FAP: variants seen among roughly 807,000 people sequenced by gnomAD.
FAP encodes prolyl endopeptidase FAP.
FAP carries 110 observed loss-of-function variants against 126.5 expected under a neutral mutation model. The ratio of observed to expected loss-of-function variants is 0.87; its 90% CI spans 0.74 to 1.02. The LOEUF (loss-of-function observed/expected upper bound fraction) is 1.02. FAP is among the 50% of genes least tolerant of loss of function. FAP has a pLI of 0.00. For missense variants in FAP, 919 were observed against 909.2 expected, an observed-to-expected ratio of 1.01 and a Z score of -0.14; for synonymous variants, 334 against 297.3, an observed-to-expected ratio of 1.12 and a Z score of -1.27.
chr2:162,241,899 C>A (rs983112863), intron 2 of FAP, among the ~76,000 whole-genome samples: 2 of 152,106 alleles, frequency 1.3e-5, no homozygotes, highest in African/African-American at 4.8e-5. Context: ...CTGTGAAAAT[C>A]TCATGATTAT....
chr2:162,222,438 A>G (rs950898000), intron 6 of FAP, among the ~76,000 whole-genome samples: 4 of 152,242 alleles, frequency 2.6e-5, no homozygotes, highest in African/African-American at 9.6e-5. Flanking sequence ...CTGTTTCTTA[A>G]TTTGACAGTT....
intron 23 of FAP, 107 bp downstream of exon 23, chr2:162,173,615 AT>A (rs1687388667): frequency 3.9e-6 from 3 of 772,432 alleles, no homozygotes; most frequent in South Asian, 1.6e-5. Flanking sequence ...AAAAGATGAT[AT>A]TTGCTTGGGG....
intron 17 of FAP, 25 bp downstream of exon 17, chr2:162,194,676 A>G (rs1688178360): frequency 6.2e-7 from 1 of 1,609,426 alleles, no homozygotes; most frequent in Admixed American, 1.7e-5. Flanking sequence ...TTGAGACAAG[A>G]TAGATAACAT....
chr2:162,224,641 A>T, intron 4 of FAP, 101 bp from the exon 5 acceptor site: 1 of 605,860 alleles, frequency 1.7e-6, no homozygotes, highest in Non-Finnish European at 2.8e-6. Flanking sequence ...ATACTCCTAC[A>T]TGCATAGACT....
chr2:162,177,035 G>A (rs960674024), intron 21 of FAP, among the ~76,000 whole-genome samples: 3 of 151,938 alleles, frequency 2.0e-5, no homozygotes, highest in Non-Finnish European at 4.4e-5. Flanking sequence ...TCCTATTGTA[G>A]AAATGAAGAG....
At chr2:162,221,583 C>T in intron 6 of FAP, 1 of 427,836 alleles carries the variant, frequency 2.3e-6, no homozygotes, top group East Asian at 7.1e-5. Flanking sequence ...CAAGCTAGTG[C>T]TCATGTTACC....
At chr2:162,198,357 T>C in intron 16 of FAP, 1 of 1,282,284 alleles carries the variant, frequency 7.8e-7, no homozygotes, top group African/African-American at 1.5e-5. Context: ...CAGCAACCAT[T>C]TTATCAGAGA....
chr2:162,206,855 C>T (rs1688717352), intron 12 of FAP, among the ~76,000 whole-genome samples: 2 of 152,154 alleles, frequency 1.3e-5, no homozygotes, highest in East Asian at 1.9e-4. Flanking sequence ...TCGCAGGAAA[C>T]CTATTTTCTA....
At chr2:162,200,957 G>A (rs761028269) in intron 14 of FAP, among the ~76,000 whole-genome samples, 13 of 152,108 alleles carry the variant, frequency 8.5e-5, no homozygotes, top group South Asian at 2.1e-4. Context: ...TCTGTACTAC[G>A]TTATTTAATT....
At position 162,196,513 on chromosome 2, in the gene FAP, C is replaced by T. The variant is rs115337889; in HGVS notation, c.1403-1765G>A. Among the ~76,000 whole-genome samples, 397 of 149,260 alleles carry T rather than the reference C, an allele frequency of 2.7e-3. 2 individuals are homozygous for T. Among genetic ancestry groups the T allele is most frequent in the African/African-American group, 9.5e-3 (387 of 40,766 alleles). On this transcript the variant is annotated intron_variant, in intron 16 of 25. Transcript: ENST00000188790. ...GTGTAGTTTCAATAATGGAAACTTG[C>T]ATATCTTTTTTTTTTTTTTTTTGCC...
At chr2:162,179,245 G>GTTTT (rs10708873) in intron 21 of FAP, among the ~76,000 whole-genome samples, 5 of 108,848 alleles carry the variant, frequency 4.6e-5, no homozygotes, top group Admixed American at 1.9e-4. Flanking sequence ...AACTTGACAG[G>GTTTT]TTTTTTTTTT....
At chr2:162,195,037 G>T (rs1353680288) in intron 16 of FAP, 2 of 403,820 alleles carry the variant, frequency 5.0e-6, no homozygotes, top group Non-Finnish European at 9.2e-6. Context: ...CACCCCAGAA[G>T]CTGCAGTGAC....
At chr2:162,229,696 T>C (rs1387881650) in intron 2 of FAP, among the ~76,000 whole-genome samples, 1 of 152,180 alleles carries the variant, frequency 6.6e-6, no homozygotes, top group Non-Finnish European at 1.5e-5. Context: ...AAAAAGATTC[T>C]AAGAATTAAT....
chr2:162,201,299 G>T (rs1576161147), intron 14 of FAP, among the ~76,000 whole-genome samples: 1 of 152,078 alleles, frequency 6.6e-6, no homozygotes, highest in African/African-American at 2.4e-5. Flanking sequence ...GAATTCTTAG[G>T]ACAATTAGGC....
At chr2:162,196,534 T>C (rs1020937264) in intron 16 of FAP, among the ~76,000 whole-genome samples, 2 of 151,638 alleles carry the variant, frequency 1.3e-5, no homozygotes, top group Non-Finnish European at 2.9e-5. Context: ...TTTTTTTTTT[T>C]TGCCTAAAAA....
At chr2:162,235,140 C>T (rs1297302418) in intron 2 of FAP, among the ~76,000 whole-genome samples, 1 of 151,870 alleles carries the variant, frequency 6.6e-6, no homozygotes, top group Non-Finnish European at 1.5e-5. Context: ...CCCCACTCCC[C>T]CAGTCCCCCG....
Position 162,188,242 on chromosome 2 carries a change from C to T in FAP, c.1741G>A (p.Gly581Ser). The change falls in exon 20 of 26, where the codon GGT becomes AGT. Residue 581 changes from glycine to serine, a missense_variant. Physicochemically the swap from Gly to Ser is moderately conservative, Grantham distance 56. Coordinates refer to ENST00000188790, the MANE Select transcript of FAP (RefSeq NM_004460.5). ...LVDGRGTAFQGDKLLYAVYRK... is the reference protein window; with the variant it reads ...LVDGRGTAFQSDKLLYAVYRK... The stretch of plus-strand genomic sequence containing the variant: ...TACACTGCATAGAGGAGTTTGTCAC[C>T]TTGGAAAGCTGTTCCTCGACCATCC... The T allele has an allele frequency of 6.2e-7, 1 of 1,613,352 alleles. No homozygotes were observed. The highest frequency in any genetic ancestry group is 8.5e-7 in the Non-Finnish European group (1 of 1,179,504).
chr2:162,232,153 G>C (rs550144177), intron 2 of FAP, among the ~76,000 whole-genome samples: 1 of 150,598 alleles, frequency 6.6e-6, no homozygotes, highest in African/African-American at 2.4e-5. Flanking sequence ...TGACAACTCT[G>C]AAAAAAAAAG....
chr2:162,170,740 C>T lies in FAP; in HGVS notation c.*239G>A, dbSNP rs1576125238. ...CTTCAAATGAACAGGTGATAAAACA[C>T]TGTGTCCAAAGCAAAATGCATGACT... On this transcript the variant is annotated 3_prime_UTR_variant, in exon 26 of 26. Transcript: ENST00000188790. 1 of 436,824 alleles carries T rather than the reference C, an allele frequency of 2.3e-6. No homozygotes were observed. Among genetic ancestry groups the T allele is most frequent in the Non-Finnish European group, 4.1e-6 (1 of 242,932 alleles). The allele number at this position is 436,824 out of a possible 1,614,324, so 27.1% of individuals were successfully genotyped here.
Sources: gnomAD v4.1 joint callset for allele counts (sites outside exome capture counted in the v4.1 genomes callset) on GRCh38, gnomAD v4.1.1 for gene constraint, MANE v1.5 for transcripts, NCBI Gene and HGNC (gene_info 2026-07-23, HGNC 2026-07-21) for gene names.